EFCAB6: variants seen among roughly 807,000 people sequenced by gnomAD.
EFCAB6 encodes the protein EF-hand calcium binding domain 6.
EFCAB6 carries 156 observed loss-of-function variants against 169.8 expected under a neutral mutation model. That is an observed-to-expected ratio of 0.92 (90% CI 0.81 to 1.05). The LOEUF (loss-of-function observed/expected upper bound fraction) is 1.05, where lower values mean the gene tolerates loss of function less well. Ranked by LOEUF, EFCAB6 falls within the 50% of genes least tolerant of loss-of-function variation. EFCAB6 has a pLI of 0.00. For missense variants in EFCAB6, 1,800 were observed against 1,829.1 expected (o/e 0.98, Z 0.29); for synonymous variants, 698 against 676.4 (o/e 1.03, Z -0.50).
intron 17 of EFCAB6, among the ~76,000 whole-genome samples, chr22:43,638,203 G>A (rs1273929400): frequency 6.6e-6 from 1 of 152,224 alleles, no homozygotes; most frequent in Non-Finnish European, 1.5e-5. Flanking sequence ...TCATTTCTAA[G>A]ATGAACACAG....
At chr22:43,720,214 G>T (rs74877394) in intron 8 of EFCAB6, among the ~76,000 whole-genome samples, 1,643 of 152,098 alleles carry the variant, frequency 0.011, 28 homozygotes, top group African/African-American at 0.038. Context: ...CGGGTTCAAG[G>T]AAAGGAAAGG....
chr22:43,530,794 T>TA, intron 31 of EFCAB6, 21 bp downstream of exon 31: 1 of 1,612,380 alleles, frequency 6.2e-7, no homozygotes, highest in Non-Finnish European at 8.5e-7. Context: ...GCAGAGGCAC[T>TA]GGGCGCAGAG....
intron 21 of EFCAB6, among the ~76,000 whole-genome samples, chr22:43,613,069 T>C (rs2053432569): frequency 6.7e-6 from 1 of 149,416 alleles, no homozygotes; most frequent in South Asian, 2.1e-4. Context: ...ATCCCATTAC[T>C]GGGTATATGC....
intron 27 of EFCAB6, chr22:43,554,300 A>C (rs2048563931): frequency 6.5e-6 from 1 of 153,826 alleles, no homozygotes; most frequent in Non-Finnish European, 1.4e-5. Flanking sequence ...GAAAAATGCA[A>C]GGTAGCTCAC....
At chr22:43,738,604 CACAT>C (rs2060256585) in intron 6 of EFCAB6, among the ~76,000 whole-genome samples, 1 of 152,106 alleles carries the variant, frequency 6.6e-6, no homozygotes, top group African/African-American at 2.4e-5. Context: ...ATCACTCACA[CACAT>C]ATACACCCAT....
intron 8 of EFCAB6, among the ~76,000 whole-genome samples, chr22:43,723,324 A>G (rs2059604946): frequency 6.6e-6 from 1 of 152,174 alleles, no homozygotes; most frequent in Non-Finnish European, 1.5e-5. Context: ...CTACTAGAGG[A>G]GGAGAAATGG....
rs187264213 is a variant in EFCAB6 at position 43,787,290 on chromosome 22, G to T, written c.-7-4965C>A. Among the ~76,000 whole-genome samples the T allele has an allele frequency of 4.9e-4, 74 of 151,818 alleles. No individual in the cohort carries two copies. The Middle Eastern group carries it at 0.01, about 21-fold the overall frequency. On this transcript the variant is annotated intron_variant, in intron 2 of 31. Coordinates refer to ENST00000262726, the MANE Select transcript of EFCAB6 (RefSeq NM_022785.4). ...TGAAAAACTACCTCTATTTGCAAAT[G>T]ACATTGTTGTATATATAGAAAATCC... is the stretch of plus-strand genomic sequence containing the variant.
chr22:43,737,276 T>G (rs529860681), intron 6 of EFCAB6, among the ~76,000 whole-genome samples: 1 of 152,118 alleles, frequency 6.6e-6, no homozygotes, highest in South Asian at 2.1e-4. Context: ...ACATCATCAC[T>G]GTCACACACA....
chr22:43,663,448 T>C (rs2057100031), intron 17 of EFCAB6, among the ~76,000 whole-genome samples: 1 of 152,182 alleles, frequency 6.6e-6, no homozygotes, highest in South Asian at 2.1e-4. Context: ...GATGATAATT[T>C]ATATTTACAT....
intron 2 of EFCAB6, among the ~76,000 whole-genome samples, chr22:43,799,177 T>A (rs1010178974): frequency 4.4e-4 from 66 of 148,730 alleles, no homozygotes; most frequent in African/African-American, 1.3e-3. Context: ...AAAAAAAAAA[T>A]TTTAATCAGC....
At position 43,786,352 on chromosome 22, in the gene EFCAB6, A is replaced by C. The variant is rs540053424; in HGVS notation, c.-7-4027T>G. ...AACGCTTCACAAATTCTTATGAAAA[A>C]TAGAAGAAAAAACATTTCTCAACAC... is the stretch of plus-strand genomic sequence containing the variant. On this transcript the variant is annotated intron_variant, in intron 2 of 31. Transcript: ENST00000262726. Among the ~76,000 whole-genome samples the C allele has an allele frequency of 1.6e-4, 24 of 152,304 alleles. No homozygotes were observed. In the South Asian group the frequency reaches 4.8e-3, roughly 30 times the overall value.
intron 27 of EFCAB6, among the ~76,000 whole-genome samples, chr22:43,544,255 C>T (rs1340298775): frequency 6.6e-6 from 1 of 152,156 alleles, no homozygotes; most frequent in Non-Finnish European, 1.5e-5. Context: ...TAATCTTACC[C>T]CATACTTCAT....
At position 43,572,834 on chromosome 22, in the gene EFCAB6, CT is replaced by C. The variant is rs1393500451; in HGVS notation, c.3420+3462del. On this transcript the variant is annotated intron_variant, in intron 26 of 31. Transcript: ENST00000262726. This position sits in a 1 kb window ranked among gnomAD's most constrained non-coding sequence, Gnocchi z 4.0. ...TGGAGGCAGGGACTGCATTTGTTTA[CT>C]TTGCTGCTAAACCTGGCACCCAGCT... 6.6e-6 allele frequency among the ~76,000 whole-genome samples: 1 copy of C among 152,240 alleles called. No individual in the cohort carries two copies. The highest frequency in any genetic ancestry group is 1.5e-5 in the Non-Finnish European group (1 of 68,052).
In EFCAB6 at chr22:43,573,695, C is replaced by T. The variant is rs1301898628; in HGVS notation, c.3420+2602G>A. Among the ~76,000 whole-genome samples the T allele has an allele frequency of 2.1e-5, 3 of 142,318 alleles. No individual in the cohort carries two copies. In the East Asian group the frequency reaches 6.1e-4, roughly 29 times the overall value. The allele number at this position is 142,318 out of a possible 152,430, so 93.4% of individuals were successfully genotyped here. A position where few individuals can be genotyped will look rare whatever the true frequency, so the allele number is the denominator to read the frequency against. On this transcript the variant is annotated intron_variant, in intron 26 of 31. Transcript: ENST00000262726. The stretch of plus-strand genomic sequence containing the variant: ...GTGGTAAGCCAAGATTGTGCCATTG[C>T]ACTCCAGCCTGGGCAACAAGAGTGA...
intron 1 of EFCAB6, among the ~76,000 whole-genome samples, chr22:43,811,383 G>A: frequency 7.2e-6 from 1 of 139,624 alleles, no homozygotes; most frequent in East Asian, 2.2e-4. Flanking sequence ...AGGGAGGGGA[G>A]GGGAGGGAGA....
intron 17 of EFCAB6, among the ~76,000 whole-genome samples, chr22:43,661,554 A>T (rs1305692820): frequency 6.6e-6 from 1 of 152,192 alleles, no homozygotes; most frequent in Non-Finnish European, 1.5e-5. Context: ...GCTGTGAGAA[A>T]TGATTGCAAC....
chr22:43,566,426 G>C (rs2049434036), intron 26 of EFCAB6, among the ~76,000 whole-genome samples: 1 of 152,188 alleles, frequency 6.6e-6, no homozygotes, highest in Non-Finnish European at 1.5e-5. Flanking sequence ...AGTGCTTACT[G>C]AAAACTGACC....
chr22:43,687,450 T>TG lies in EFCAB6; in HGVS notation c.1142+20_1142+21insC, dbSNP rs764857254. 721 of 1,270,726 alleles carry TG rather than the reference T, an allele frequency of 5.7e-4. 2 individuals are homozygous for TG. Among genetic ancestry groups the TG allele is most frequent in the South Asian group, 1.2e-3 (79 of 64,678 alleles). 78.7% of individuals were successfully genotyped at this position (1,270,726 alleles called of 1,614,324 possible). ...ATGATATGTGTAACTAAAATTTGTT[T>TG]TTTTTTTTTTTTTTACATACCTATT... On this transcript the variant is annotated intron_variant, in intron 11 of 31. Transcript: ENST00000262726.
intron 6 of EFCAB6, among the ~76,000 whole-genome samples, chr22:43,748,533 C>T (rs1271059637): frequency 6.6e-6 from 1 of 152,172 alleles, no homozygotes; most frequent in Non-Finnish European, 1.5e-5. Flanking sequence ...ACTCAAGCTC[C>T]AATATCACCT....
Sources: allele counts gnomAD v4.1 joint callset (sites outside exome capture counted in the v4.1 genomes callset), GRCh38; gene constraint gnomAD v4.1.1; non-coding constraint Gnocchi (gnomAD v3.1); transcripts MANE v1.5; gene names NCBI Gene and HGNC (gene_info 2026-07-23, HGNC 2026-07-21).